Variants in SENP2 observed in about 807,000 individuals in gnomAD.
SENP2 encodes the protein SUMO specific peptidase 2.
SENP2 carries 16 observed loss-of-function variants against 86.3 expected under a neutral mutation model. The observed-to-expected ratio is 0.19, with a 90% CI of 0.13 to 0.28. The LOEUF is 0.28. Among genes scored for constraint, SENP2 ranks in the 10% least tolerant of loss-of-function variants. SENP2 has a pLI of 1.00. For synonymous variants in SENP2, 222 were observed against 238.7 expected (o/e 0.93, Z 0.64); for missense variants, 552 against 703.0 (o/e 0.79, Z 2.43).
chr3:185,595,963 G>A (rs1200084048), intron 2 of SENP2, among the ~76,000 whole-genome samples: 1 of 151,922 alleles, frequency 6.6e-6, no homozygotes, highest in Non-Finnish European at 1.5e-5. Flanking sequence ...ACCAGGCCCA[G>A]CTAATTTATT....
intron 5 of SENP2, among the ~76,000 whole-genome samples, chr3:185,603,511 A>C (rs1341758934): frequency 6.6e-6 from 1 of 152,230 alleles, no homozygotes; most frequent in Non-Finnish European, 1.5e-5. Context: ...AGGAGATGAA[A>C]GATACCTGGT....
intron 14 of SENP2, among the ~76,000 whole-genome samples, chr3:185,622,414 G>C (rs575327184): frequency 2.0e-4 from 30 of 152,166 alleles, no homozygotes; most frequent in Non-Finnish European, 2.9e-5. Context: ...GTGAGAAAAC[G>C]CATCAGTAAG....
At chr3:185,626,033 A>G (rs1712130091) in intron 15 of SENP2, among the ~76,000 whole-genome samples, 1 of 152,214 alleles carries the variant, frequency 6.6e-6, no homozygotes, top group South Asian at 2.1e-4. Flanking sequence ...CAGAACAGAA[A>G]GGAAAAGCAG....
At chr3:185,587,863 T>C (rs1185717550) in intron 1 of SENP2, among the ~76,000 whole-genome samples, 1 of 150,102 alleles carries the variant, frequency 6.7e-6, no homozygotes, top group Non-Finnish European at 1.5e-5. Flanking sequence ...GCCTCCGGAA[T>C]AGCTGGGATT....
intron 2 of SENP2, among the ~76,000 whole-genome samples, chr3:185,593,490 T>C (rs1158687573): frequency 1.3e-5 from 2 of 152,074 alleles, no homozygotes; most frequent in Non-Finnish European, 2.9e-5. Context: ...AGATACCAAT[T>C]TAGGAAATGA....
intron 2 of SENP2, among the ~76,000 whole-genome samples, chr3:185,597,658 GT>G (rs879305349): frequency 1.3e-4 from 18 of 140,170 alleles, no homozygotes; most frequent in East Asian, 2.1e-4. Flanking sequence ...GTCTGGCCCA[GT>G]TTTTTTTTTT....
chr3:185,602,069 C>A (rs1009479885), intron 5 of SENP2, among the ~76,000 whole-genome samples: 1 of 152,092 alleles, frequency 6.6e-6, no homozygotes, highest in Non-Finnish European at 1.5e-5. Flanking sequence ...TATAAGGATG[C>A]AAAATCTTTC....
chr3:185,598,401 A>G lies in SENP2; in HGVS notation c.158-11A>G. 6.2e-7 allele frequency: 1 copy of G among 1,612,898 alleles called. No individual in the cohort carries two copies. On this transcript the variant is annotated splice_polypyrimidine_tract_variant and intron_variant, in intron 2 of 16. Coordinates refer to ENST00000296257, the MANE Select transcript of SENP2 (RefSeq NM_021627.3). ...ATTACTTTATATTTACAGTTTGTTG[A>G]CACTTTCTAGATTGCTTTATTCACC...
chr3:185,618,216 T>C (rs977820356), intron 12 of SENP2, among the ~76,000 whole-genome samples: 1 of 152,222 alleles, frequency 6.6e-6, no homozygotes, highest in African/African-American at 2.4e-5. Flanking sequence ...AGTGCTGGGA[T>C]TACAGGCGTG....
chr3:185,604,315 T>G (rs1722441927), intron 5 of SENP2, among the ~76,000 whole-genome samples: 1 of 152,220 alleles, frequency 6.6e-6, no homozygotes, highest in Non-Finnish European at 1.5e-5. Flanking sequence ...TTCGTTTCTT[T>G]TAAGTTTTTT....
chr3:185,612,449 C>T, intron 8 of SENP2, 158 bp from the exon 9 acceptor site: 2 of 550,006 alleles, frequency 3.6e-6, no homozygotes, highest in Non-Finnish European at 6.6e-6. Context: ...TTTTTTTAGG[C>T]AACTTAGTAT....
chr3:185,608,374 T>C (rs1276507633), intron 6 of SENP2, among the ~76,000 whole-genome samples: 3 of 152,192 alleles, frequency 2.0e-5, no homozygotes, highest in Non-Finnish European at 4.4e-5. Context: ...CGTTATCTGT[T>C]GATTAAGTGT....
At chr3:185,606,547 C>G (rs960039739) in intron 6 of SENP2, 49 bp downstream of exon 6, 2 of 1,455,200 alleles carry the variant, frequency 1.4e-6, no homozygotes, top group Non-Finnish European at 9.2e-7. Context: ...ACAGCTCTTC[C>G]CAAGGATGCT....
intron 11 of SENP2, among the ~76,000 whole-genome samples, chr3:185,616,474 CA>C (rs771658835): frequency 7.7e-3 from 664 of 85,740 alleles, no homozygotes; most frequent in South Asian, 0.013. Flanking sequence ...GAATCTGTCT[CA>C]AAAAAAAAAA....
chr3:185,631,402 G>A lies in SENP2; in HGVS notation c.*1558G>A, dbSNP rs11922634. 0.32 allele frequency: 38,738 copies of A among 121,288 alleles called. 7,343 individuals carry two copies. Among genetic ancestry groups the A allele is most frequent in the South Asian group, 0.51 (1,565 of 3,076 alleles). The allele number at this position is 121,288 out of a possible 1,614,324, so 7.5% of individuals were successfully genotyped here. A position where few individuals can be genotyped will look rare whatever the true frequency, so the allele number is the denominator to read the frequency against. Reference sequence around the variant, plus strand: ...CCATGTGGTGGGTGATGACTGAAGCGGGAGCAGGTTGTACCACACCTCTCC... The same window carrying A: ...CCATGTGGTGGGTGATGACTGAAGCAGGAGCAGGTTGTACCACACCTCTCC... On this transcript the variant is annotated 3_prime_UTR_variant, in exon 17 of 17. Coordinates refer to ENST00000296257, the MANE Select transcript of SENP2 (RefSeq NM_021627.3).
At chr3:185,626,251 AATG>A in intron 15 of SENP2, 44 bp from the exon 16 acceptor site, 5 of 1,209,174 alleles carry the variant, frequency 4.1e-6, no homozygotes, top group Non-Finnish European at 6.0e-6. Flanking sequence ...ATTTGTATTT[AATG>A]ATGTTTTACC....
chr3:185,596,019 A>G (rs112800013), intron 2 of SENP2, among the ~76,000 whole-genome samples: 44,952 of 151,952 alleles, frequency 0.3, 7,195 homozygotes, highest in African/African-American at 0.42. Context: ...AGACTGGAGT[A>G]CAGTGGTGCC....
At chr3:185,593,091 A>C (rs1212539582) in intron 2 of SENP2, among the ~76,000 whole-genome samples, 2 of 152,186 alleles carry the variant, frequency 1.3e-5, no homozygotes, top group Non-Finnish European at 2.9e-5. Context: ...AGTTAGTATG[A>C]GTTAGTATGT....
intron 5 of SENP2, 49 bp downstream of exon 5, chr3:185,600,904 G>A (rs759243448): frequency 8.0e-7 from 1 of 1,253,450 alleles, no homozygotes; most frequent in Non-Finnish European, 1.2e-6. Flanking sequence ...TTTATTAGGT[G>A]CTCACTCTTG....
Sources: allele counts gnomAD v4.1 joint callset (sites outside exome capture counted in the v4.1 genomes callset), GRCh38; gene constraint gnomAD v4.1.1; transcripts MANE v1.5; gene names NCBI Gene and HGNC (gene_info 2026-07-23, HGNC 2026-07-21).